Variants in PSD3 observed in about 807,000 individuals in gnomAD.
The protein encoded by PSD3 is pleckstrin and Sec7 domain containing 3.
Under a neutral mutation model 105.5 loss-of-function variants are expected in PSD3, and 49 were observed. That is an observed-to-expected ratio of 0.46 (90% confidence interval 0.37 to 0.59). The LOEUF is 0.59. Among genes scored for constraint, PSD3 ranks in the 20% least tolerant of loss-of-function variants. PSD3 has a pLI of 0.00. For missense variants in PSD3, 1,561 were observed against 1,263.8 expected (o/e 1.24, Z -3.57); for synonymous variants, 557 against 457.8 (o/e 1.22, Z -2.77).
chr8:18,701,886 A>G (rs1160005529), intron 9 of PSD3, among the ~76,000 whole-genome samples: 1 of 152,260 alleles, frequency 6.6e-6, no homozygotes, highest in African/African-American at 2.4e-5. Flanking sequence ...CCGACAAAAA[A>G]ACATGAAAAT....
At chr8:18,743,877 C>T (rs914698753) in intron 9 of PSD3, among the ~76,000 whole-genome samples, 1 of 151,564 alleles carries the variant, frequency 6.6e-6, no homozygotes, top group African/African-American at 2.4e-5. Context: ...ATCCCTTGAG[C>T]CCAGGAATTT....
chr8:18,743,189 A>T (rs1273058754), intron 9 of PSD3, among the ~76,000 whole-genome samples: 2 of 152,202 alleles, frequency 1.3e-5, no homozygotes, highest in Non-Finnish European at 2.9e-5. Flanking sequence ...CAAAGGTAGA[A>T]TAACAGCGAA....
intron 9 of PSD3, among the ~76,000 whole-genome samples, chr8:18,675,722 G>C (rs1167913338): frequency 2.6e-5 from 4 of 152,122 alleles, no homozygotes; most frequent in Non-Finnish European, 5.9e-5. Context: ...AATAAAATCT[G>C]CTTGAATGAT....
chr8:18,628,247 T>C (rs1486481196), intron 11 of PSD3, among the ~76,000 whole-genome samples: 1 of 150,992 alleles, frequency 6.6e-6, no homozygotes, highest in South Asian at 2.1e-4. Flanking sequence ...AAACACCAAA[T>C]AAGGAAAACA....
At chr8:18,867,539 T>A in intron 4 of PSD3, 135 bp downstream of exon 4, 1 of 1,162,702 alleles carries the variant, frequency 8.6e-7, no homozygotes, top group Non-Finnish European at 1.2e-6. Flanking sequence ...CTCAAATTAC[T>A]TTTTACTCAC....
At chr8:18,732,302 G>A (rs973257361) in intron 9 of PSD3, among the ~76,000 whole-genome samples, 3 of 152,158 alleles carry the variant, frequency 2.0e-5, no homozygotes, top group Admixed American at 6.5e-5. Flanking sequence ...TGGACACACC[G>A]TAAACAGATA....
chr8:18,590,717 GA>G (rs1258082486), intron 12 of PSD3, among the ~76,000 whole-genome samples: 1 of 152,018 alleles, frequency 6.6e-6, no homozygotes, highest in Non-Finnish European at 1.5e-5. Flanking sequence ...GAAAGTGGGG[GA>G]AAAGTTAAAT....
At chr8:18,674,310 G>A (rs959977410) in intron 9 of PSD3, among the ~76,000 whole-genome samples, 4 of 152,190 alleles carry the variant, frequency 2.6e-5, no homozygotes, top group Admixed American at 1.3e-4. Flanking sequence ...CCTTCCCTGC[G>A]TTCTGTGGGG....
At chr8:19,052,729 TAG>T (rs1174491709) in intron 1 of PSD3, among the ~76,000 whole-genome samples, 40 of 152,236 alleles carry the variant, frequency 2.6e-4, no homozygotes, top group African/African-American at 9.4e-4. Flanking sequence ...GGAAGGAGTC[TAG>T]TTGCTGCCAA....
chr8:18,664,431 G>A (rs1180936913), intron 9 of PSD3, among the ~76,000 whole-genome samples: 1 of 152,222 alleles, frequency 6.6e-6, no homozygotes, highest in Non-Finnish European at 1.5e-5. Context: ...TTCAGAGCAA[G>A]GACCTAACTG....
chr8:18,671,659 G>A (rs1799790113), intron 9 of PSD3, among the ~76,000 whole-genome samples: 1 of 151,060 alleles, frequency 6.6e-6, no homozygotes, highest in Non-Finnish European at 1.5e-5. Flanking sequence ...TTGAGATGGA[G>A]TCTCGCTTTG....
At chr8:18,991,312 C>T (rs1825777196) in intron 1 of PSD3, among the ~76,000 whole-genome samples, 1 of 151,386 alleles carries the variant, frequency 6.6e-6, no homozygotes, top group East Asian at 1.9e-4. Flanking sequence ...TTTACTCTCT[C>T]GGACAATAAT....
chr8:18,733,820 T>C (rs1803947957), intron 9 of PSD3: 1 of 152,650 alleles, frequency 6.6e-6, no homozygotes, highest in African/African-American at 2.4e-5. Context: ...TAGAAAGGCT[T>C]TGAAGCCTGC....
chr8:18,796,259 C>A (rs1256005978), intron 8 of PSD3, among the ~76,000 whole-genome samples: 1 of 152,014 alleles, frequency 6.6e-6, no homozygotes, highest in African/African-American at 2.4e-5. Flanking sequence ...AAACACCTCC[C>A]CAGTGTTTTC....
At position 19,046,543 on chromosome 8, in the gene PSD3, CA is replaced by C. The variant is rs554532311; in HGVS notation, c.324+37662del. On this transcript the variant is annotated intron_variant, in intron 1 of 1. Transcript: ENST00000521475. The stretch of plus-strand genomic sequence containing the variant: ...TGCATCTGGCTGAGGTCAGGCTCAA[CA>C]AAGGGCCATGCCTATTCTTACTCAA... Among the ~76,000 whole-genome samples, 741 of 152,312 alleles carry C rather than the reference CA, an allele frequency of 4.9e-3. 9 individuals are homozygous for C. Among genetic ancestry groups the C allele is most frequent in the African/African-American group, 0.017 (719 of 41,566 alleles).
At chr8:18,656,053 CTTTT>C (rs1412076118) in intron 9 of PSD3, among the ~76,000 whole-genome samples, 1 of 151,952 alleles carries the variant, frequency 6.6e-6, no homozygotes, top group Non-Finnish European at 1.5e-5. Context: ...AGTACTCATA[CTTTT>C]TTCTTTTCTT....
chr8:18,660,974 T>C (rs548509912), intron 9 of PSD3, among the ~76,000 whole-genome samples: 52 of 152,316 alleles, frequency 3.4e-4, no homozygotes, highest in African/African-American at 1.2e-3. Context: ...TCCTCACTTT[T>C]GGTTGCTTCT....
chr8:18,658,168 G>A (rs1255678275), intron 9 of PSD3, among the ~76,000 whole-genome samples: 3 of 152,130 alleles, frequency 2.0e-5, no homozygotes, highest in South Asian at 2.1e-4. Context: ...GTAGCATGCC[G>A]AATCCAGACA....
At chr8:18,833,298 G>C (rs1488942304) in intron 4 of PSD3, among the ~76,000 whole-genome samples, 1 of 152,158 alleles carries the variant, frequency 6.6e-6, no homozygotes, top group Non-Finnish European at 1.5e-5. Context: ...ACACAGAGCA[G>C]GCAGAAGATG....
Sources: gnomAD v4.1 joint callset for allele counts (sites outside exome capture counted in the v4.1 genomes callset) on GRCh38, gnomAD v4.1.1 for gene constraint, MANE v1.5 for transcripts, NCBI Gene and HGNC (gene_info 2026-07-23, HGNC 2026-07-21) for gene names.